The following CHD6 variants were observed in gnomAD, a reference collection of about 807,000 sequenced individuals.
CHD6 encodes the protein chromodomain helicase DNA binding protein 6.
In CHD6, 50 loss-of-function variants were observed where a neutral mutation model predicts 276.9. The ratio of observed to expected loss-of-function variants is 0.18; its 90% confidence interval spans 0.14 to 0.23. The LOEUF is 0.23. Ranked by LOEUF, CHD6 falls within the 10% of genes least tolerant of loss-of-function variation. The probability of loss-of-function intolerance (pLI) is 1.00; values close to 1 mark genes in which losing one functional copy is unlikely to be tolerated. For synonymous variants in CHD6, 1,173 were observed against 1,229.3 expected, an observed-to-expected ratio of 0.95 and a Z score of 0.96; for missense variants, 2,564 against 3,365.8, an observed-to-expected ratio of 0.76 and a Z score of 5.89.
chr20:41,564,461 T>C (rs1432607183), intron 1 of CHD6, among the ~76,000 whole-genome samples: 2 of 152,188 alleles, frequency 1.3e-5, no homozygotes, highest in Non-Finnish European at 2.9e-5. Flanking sequence ...TTATATGACA[T>C]TCAAGAAAAG....
rs200454876 is a variant in CHD6, at chr20:41,587,838, A to C, written c.-24+30502T>G. Among the ~76,000 whole-genome samples, 9 of 148,454 alleles carry C rather than the reference A, an allele frequency of 6.1e-5. No individual in the cohort carries two copies. In the East Asian group the frequency reaches 1.0e-3, roughly 17 times the overall value. On this transcript the variant is annotated intron_variant, in intron 1 of 36. Coordinates refer to ENST00000373233, the MANE Select transcript of CHD6 (RefSeq NM_032221.5). ...TGTAGTGAAAAACAAACCAAAAAAA[A>C]CCCAAAAAAACCCTGCTGGGCAAAA... is the stretch of plus-strand genomic sequence containing the variant.
At chr20:41,551,505 G>T (rs148473728) in intron 1 of CHD6, 145 bp from the exon 2 acceptor site, 1 of 551,030 alleles carries the variant, frequency 1.8e-6, no homozygotes, top group Non-Finnish European at 3.2e-6. Context: ...CTCCAGAGCC[G>T]TAAGTGTACA....
intron 20 of CHD6, 141 bp from the exon 21 acceptor site, chr20:41,453,083 C>T (rs1341912600): frequency 1.2e-4 from 77 of 652,914 alleles, no homozygotes; most frequent in Non-Finnish European, 2.7e-6. Context: ...TCCCAGCACA[C>T]CTGCTGTCTC....
Position 41,473,549 on chromosome 20 carries a change from C to A in CHD6, c.2469-32G>T. 6.3e-7 allele frequency: 1 copy of A among 1,588,316 alleles called. No individual in the cohort carries two copies. The highest frequency in any genetic ancestry group is 8.6e-7 in the Non-Finnish European group (1 of 1,157,990). On this transcript the variant is annotated intron_variant, in intron 16 of 36. Transcript: ENST00000373233. The surrounding 1 kb of genome is among the most constrained non-coding windows in gnomAD (Gnocchi z 4.1). ...GGACCCAAATGAACGAAAGCCCAGG[C>A]GTTAATCATGACTTCAATGGAGAAC...
At chr20:41,499,544 G>C (rs960973718) in intron 5 of CHD6, among the ~76,000 whole-genome samples, 187 bp from the exon 6 acceptor site, 1 of 152,156 alleles carries the variant, frequency 6.6e-6, no homozygotes, top group Non-Finnish European at 1.5e-5. Flanking sequence ...ATTTAAAGTG[G>C]TGGCTTCTAA....
chr20:41,604,222 G>A (rs953075660), intron 1 of CHD6, among the ~76,000 whole-genome samples: 3 of 152,138 alleles, frequency 2.0e-5, no homozygotes, highest in Non-Finnish European at 2.9e-5. Flanking sequence ...TGTATGGCTG[G>A]AAATAAAGGT....
At chr20:41,574,744 G>C (rs138277236) in intron 1 of CHD6, among the ~76,000 whole-genome samples, 2 of 152,212 alleles carry the variant, frequency 1.3e-5, no homozygotes, top group Admixed American at 1.3e-4. Flanking sequence ...AAGCCCTTAA[G>C]AAATAACTTC....
At chr20:41,455,217 C>T (rs774731732) in intron 19 of CHD6, among the ~76,000 whole-genome samples, 3 of 152,164 alleles carry the variant, frequency 2.0e-5, no homozygotes, top group Non-Finnish European at 4.4e-5. Context: ...TTTCAGGTGT[C>T]ACCAAACAGG....
chr20:41,609,671 C>G (rs1172775196), intron 1 of CHD6, among the ~76,000 whole-genome samples: 2 of 152,134 alleles, frequency 1.3e-5, no homozygotes, highest in Non-Finnish European at 2.9e-5. Context: ...ACACCCGTTA[C>G]TGTCTCTCAT....
chr20:41,543,520 TTTC>T (rs1165232427), intron 2 of CHD6, among the ~76,000 whole-genome samples: 3 of 152,218 alleles, frequency 2.0e-5, no homozygotes, highest in African/African-American at 7.2e-5. Context: ...CTTCTATCCA[TTTC>T]TTCATAAATC....
At chr20:41,549,861 C>CA (rs1402145806) in intron 2 of CHD6, among the ~76,000 whole-genome samples, 2 of 152,148 alleles carry the variant, frequency 1.3e-5, no homozygotes, top group African/African-American at 4.8e-5. Flanking sequence ...TCCAATGGTG[C>CA]AATCTCGGCT....
chr20:41,409,869 T>A (rs1055454379), intron 36 of CHD6, among the ~76,000 whole-genome samples: 2 of 152,216 alleles, frequency 1.3e-5, no homozygotes, highest in African/African-American at 4.8e-5. Flanking sequence ...CTCAAAACTA[T>A]ACACATACAG....
intron 5 of CHD6, among the ~76,000 whole-genome samples, chr20:41,504,001 C>G (rs1187266257): frequency 7.0e-6 from 1 of 142,878 alleles, no homozygotes; most frequent in Non-Finnish European, 1.5e-5. Context: ...TTGCTTGAGC[C>G]CAGGAGGCAG....
chr20:41,542,302 T>C (rs1391028410), intron 2 of CHD6, among the ~76,000 whole-genome samples: 2 of 152,234 alleles, frequency 1.3e-5, no homozygotes, highest in African/African-American at 4.8e-5. Flanking sequence ...AGTTTTACAG[T>C]AGCTTTGGGC....
chr20:41,606,054 C>G (rs1292068476), intron 1 of CHD6, among the ~76,000 whole-genome samples: 1 of 152,156 alleles, frequency 6.6e-6, no homozygotes, highest in African/African-American at 2.4e-5. Flanking sequence ...CTCTGTCTCA[C>G]CTTGTCCCAG....
At chr20:41,458,879 T>C (rs2048458087) in intron 17 of CHD6, among the ~76,000 whole-genome samples, 1 of 152,134 alleles carries the variant, frequency 6.6e-6, no homozygotes, top group South Asian at 2.1e-4. Flanking sequence ...CAGGTATCAC[T>C]GGACACCCCA....
At chr20:41,481,840 A>G (rs1251667277) in intron 16 of CHD6, among the ~76,000 whole-genome samples, 2 of 151,956 alleles carry the variant, frequency 1.3e-5, no homozygotes, top group Non-Finnish European at 2.9e-5. Flanking sequence ...AAATTTCATA[A>G]TATATTAAAT....
chr20:41,471,540 G>GTT (rs11086805), intron 17 of CHD6, among the ~76,000 whole-genome samples: 6 of 145,612 alleles, frequency 4.1e-5, no homozygotes, highest in Non-Finnish European at 4.5e-5. Context: ...AATATTTTCA[G>GTT]TTTTTTTTTT....
intron 1 of CHD6, among the ~76,000 whole-genome samples, chr20:41,616,975 A>G (rs1415858775): frequency 6.6e-6 from 1 of 152,136 alleles, no homozygotes; most frequent in East Asian, 1.9e-4. Flanking sequence ...TTTTTCCCCA[A>G]ACGCCACAAA....
Sources: gnomAD v4.1 joint callset for allele counts (sites outside exome capture counted in the v4.1 genomes callset) on GRCh38, gnomAD v4.1.1 for gene constraint, Gnocchi (gnomAD v3.1) non-coding constraint, MANE v1.5 for transcripts, NCBI Gene and HGNC (gene_info 2026-07-23, HGNC 2026-07-21) for gene names.